ARB2A: variants seen among roughly 807,000 people sequenced by gnomAD.
ARB2A encodes ARB2 cotranscriptional regulator A.
the ARB2A span, among the ~76,000 whole-genome samples, chr5:93,866,780 A>C: frequency 3.9e-5 from 6 of 152,142 alleles, no homozygotes; most frequent in Non-Finnish European, 7.4e-5. Context: ...AATTTCTCTT[A>C]ATCTCAGTTT....
the ARB2A span, among the ~76,000 whole-genome samples, chr5:93,980,113 T>C: frequency 6.6e-6 from 1 of 152,190 alleles, no homozygotes; most frequent in East Asian, 1.9e-4. Flanking sequence ...TGCTCAGCAT[T>C]CTTTCTTAGT....
At chr5:93,659,936 C>G in the ARB2A span, among the ~76,000 whole-genome samples, 1 of 152,084 alleles carries the variant, frequency 6.6e-6, no homozygotes, top group Admixed American at 6.6e-5. Flanking sequence ...GTACCTGGCA[C>G]AGTGTTTTGA....
chr5:93,741,545 A>T, the ARB2A span: 1 of 1,583,600 alleles, frequency 6.3e-7, no homozygotes, highest in Non-Finnish European at 8.6e-7. Context: ...AAGTGGTTTG[A>T]GGGCCTGTGT....
At chr5:93,901,837 C>G in the ARB2A span, among the ~76,000 whole-genome samples, 1 of 151,978 alleles carries the variant, frequency 6.6e-6, no homozygotes, top group East Asian at 1.9e-4. Context: ...TAATAGTTCC[C>G]AACGAGCAGG....
the ARB2A span, among the ~76,000 whole-genome samples, chr5:93,688,988 C>T: frequency 6.6e-6 from 1 of 152,178 alleles, no homozygotes; most frequent in Non-Finnish European, 1.5e-5. Flanking sequence ...CTGAAAAATT[C>T]AAATCTAATC....
the ARB2A span, among the ~76,000 whole-genome samples, chr5:94,071,024 C>G: frequency 3.3e-5 from 5 of 152,034 alleles, no homozygotes; most frequent in African/African-American, 7.2e-5. Flanking sequence ...TATTACCCAG[C>G]AGTCCTCCCC....
chr5:93,954,553 G>A, the ARB2A span, among the ~76,000 whole-genome samples: 2 of 151,952 alleles, frequency 1.3e-5, no homozygotes, highest in Admixed American at 1.3e-4. Flanking sequence ...CAAGCAGAGG[G>A]AAGGAGTTTC....
chr5:94,017,965 G>A, the ARB2A span, among the ~76,000 whole-genome samples: 2 of 152,146 alleles, frequency 1.3e-5, no homozygotes, highest in African/African-American at 4.8e-5. Flanking sequence ...CACGAGATCT[G>A]ATGGGTTTAT....
the ARB2A span, among the ~76,000 whole-genome samples, chr5:93,984,799 G>A: frequency 5.3e-4 from 80 of 152,194 alleles, no homozygotes; most frequent in African/African-American, 1.8e-3. Context: ...AATAATGAAT[G>A]AATGAAAAAA....
the ARB2A span, among the ~76,000 whole-genome samples, chr5:93,655,657 G>C: frequency 1.3e-5 from 2 of 151,996 alleles, no homozygotes; most frequent in Admixed American, 1.3e-4. Context: ...AATTTTCCTG[G>C]AGAAAACAAC....
chr5:93,770,412 C>T, the ARB2A span, among the ~76,000 whole-genome samples: 6 of 152,096 alleles, frequency 3.9e-5, no homozygotes, highest in East Asian at 3.9e-4. Flanking sequence ...AGGGATGCCC[C>T]CTCTCACCAC....
chr5:93,718,146 A>G, the ARB2A span, among the ~76,000 whole-genome samples: 1 of 151,972 alleles, frequency 6.6e-6, no homozygotes, highest in African/African-American at 2.4e-5. Flanking sequence ...TTATTTCAAA[A>G]TAGAGTATGA....
the ARB2A span, among the ~76,000 whole-genome samples, chr5:94,008,144 T>C: frequency 6.6e-6 from 1 of 152,138 alleles, no homozygotes; most frequent in East Asian, 1.9e-4. Context: ...GAGAAGCATT[T>C]CTCTACCACC....
At chr5:93,731,797 A>G in the ARB2A span, among the ~76,000 whole-genome samples, 2 of 152,204 alleles carry the variant, frequency 1.3e-5, no homozygotes, top group Non-Finnish European at 2.9e-5. Context: ...ATTCCTTTGA[A>G]GAAGAAATGA....
the ARB2A span, among the ~76,000 whole-genome samples, chr5:93,763,888 G>A: frequency 3.3e-5 from 5 of 152,062 alleles, no homozygotes; most frequent in Non-Finnish European, 7.4e-5. Flanking sequence ...CTCAGGATTA[G>A]GAAACTCACT....
the ARB2A span, among the ~76,000 whole-genome samples, chr5:93,759,744 C>T: frequency 3.9e-5 from 6 of 152,046 alleles, no homozygotes; most frequent in African/African-American, 1.2e-4. Context: ...AAGGGACATA[C>T]CTTAATGTAA....
chr5:93,768,376 C>CCAA, the ARB2A span, among the ~76,000 whole-genome samples: 1 of 151,042 alleles, frequency 6.6e-6, no homozygotes, highest in Non-Finnish European at 1.5e-5. Flanking sequence ...TCTTTAGAAG[C>CCAA]CAACAACAAC....
the ARB2A span, among the ~76,000 whole-genome samples, chr5:93,625,112 T>C: frequency 1.3e-5 from 2 of 152,186 alleles, no homozygotes; most frequent in Admixed American, 6.5e-5. Context: ...TTCATGATGA[T>C]TCCATGCATA....
the ARB2A span, among the ~76,000 whole-genome samples, chr5:93,623,335 T>C: frequency 6.6e-6 from 1 of 151,938 alleles, no homozygotes; most frequent in Non-Finnish European, 1.5e-5. Context: ...ATTTCCTCCA[T>C]AGTGATCACA....
Sources: gnomAD v4.1 joint callset for allele counts (sites outside exome capture counted in the v4.1 genomes callset) on GRCh38, gnomAD v4.1.1 for gene constraint, MANE v1.5 for transcripts, NCBI Gene and HGNC (gene_info 2026-07-23, HGNC 2026-07-21) for gene names.